Variants in PHF14 observed in about 807,000 individuals in gnomAD.
PHF14 encodes PHD finger protein 14.
Under a neutral mutation model 117.9 loss-of-function variants are expected in PHF14, and 55 were observed. That is an observed-to-expected ratio of 0.47 (90% CI 0.38 to 0.58). PHF14 has a LOEUF of 0.58. PHF14 is among the 20% of genes least tolerant of loss of function. PHF14 has a pLI of 0.00. For synonymous variants in PHF14, 409 were observed against 368.6 expected (o/e 1.11, Z -1.26); for missense variants, 978 against 1,122.2 (o/e 0.87, Z 1.84).
At chr7:11,050,911 A>C (rs543752612) in intron 13 of PHF14, among the ~76,000 whole-genome samples, 1 of 152,250 alleles carries the variant, frequency 6.6e-6, no homozygotes, top group Admixed American at 6.5e-5. Flanking sequence ...ATTCAGCACA[A>C]GTTGTCACTG....
At chr7:10,994,237 AG>A (rs1399187949) in intron 4 of PHF14, among the ~76,000 whole-genome samples, 1 of 152,112 alleles carries the variant, frequency 6.6e-6, no homozygotes, top group Non-Finnish European at 1.5e-5. Flanking sequence ...CAGAAGTTCA[AG>A]GCCAGCCTGT....
At chr7:11,075,648 G>A (rs190876068) in intron 16 of PHF14, among the ~76,000 whole-genome samples, 94 of 143,266 alleles carry the variant, frequency 6.6e-4, no homozygotes, top group African/African-American at 2.4e-3. Flanking sequence ...CCCACCAGGC[G>A]CACCTCCAAC....
At chr7:11,045,315 C>T (rs1307952328) in intron 13 of PHF14, among the ~76,000 whole-genome samples, 1 of 152,092 alleles carries the variant, frequency 6.6e-6, no homozygotes, top group African/African-American at 2.4e-5. Flanking sequence ...CCTTTGATCA[C>T]TAGGGTCCTG....
intron 4 of PHF14, among the ~76,000 whole-genome samples, chr7:11,000,103 T>C (rs1782808158): frequency 6.6e-6 from 1 of 152,126 alleles, no homozygotes; most frequent in Non-Finnish European, 1.5e-5. Context: ...TTGGTAGTAA[T>C]TTGAATTCTG....
intron 17 of PHF14, among the ~76,000 whole-genome samples, chr7:11,125,937 G>C (rs935337923): frequency 5.3e-5 from 8 of 152,038 alleles, no homozygotes; most frequent in African/African-American, 1.9e-4. Context: ...ACTCTTTAAA[G>C]TATGCTTATA....
chr7:11,031,923 G>A (rs1229541433), intron 7 of PHF14, among the ~76,000 whole-genome samples: 1 of 152,092 alleles, frequency 6.6e-6, no homozygotes, highest in African/African-American at 2.4e-5. Flanking sequence ...TGGTGCTATT[G>A]AACATTGCTG....
rs1206855418 is a variant in PHF14 at position 11,075,577 on chromosome 7, T to G, written c.2654+13492T>G. On this transcript the variant is annotated intron_variant, in intron 16 of 17. Transcript: ENST00000634607. Reference sequence around the variant, plus strand: ...GGAAGGAAAGAGGTTTTTTTTTTTTTTTTTTTTTTTTTTATTATTATGCCA... The same window carrying G: ...GGAAGGAAAGAGGTTTTTTTTTTTTGTTTTTTTTTTTTTATTATTATGCCA... 7.4e-5 allele frequency among the ~76,000 whole-genome samples: 11 copies of G among 148,362 alleles called. No homozygotes were observed. In the East Asian group the frequency reaches 7.9e-4, roughly 11 times the overall value.
intron 17 of PHF14, among the ~76,000 whole-genome samples, chr7:11,118,644 G>A (rs1006738221): frequency 4.0e-5 from 6 of 151,636 alleles, no homozygotes; most frequent in Non-Finnish European, 8.9e-5. Flanking sequence ...TGTCCTAGAC[G>A]TGTTTTCTGA....
At chr7:11,037,776 A>C (rs1215669728) in intron 10 of PHF14, among the ~76,000 whole-genome samples, 3 of 152,232 alleles carry the variant, frequency 2.0e-5, no homozygotes, top group Non-Finnish European at 4.4e-5. Context: ...AATAGTAGGA[A>C]GTACGTTTCC....
At chr7:11,061,174 T>C (rs1170196291) in intron 14 of PHF14, 1 of 152,220 alleles carries the variant, frequency 6.6e-6, no homozygotes, top group African/African-American at 2.4e-5. Flanking sequence ...TAAACGTTTG[T>C]ATGCGTTCTT....
At chr7:11,149,589 T>A (rs1721283263) in intron 17 of PHF14, among the ~76,000 whole-genome samples, 1 of 152,198 alleles carries the variant, frequency 6.6e-6, no homozygotes, top group Non-Finnish European at 1.5e-5. Flanking sequence ...AATTACTTAT[T>A]TAATATATCA....
chr7:11,010,579 A>C lies in PHF14; in HGVS notation c.1046-3168A>C, dbSNP rs183992671. ...TTATATAGTTTAATTTGTAACTATT[A>C]ATATTAACTATATTTAGCATAACTA... On this transcript the variant is annotated intron_variant, in intron 4 of 17. Transcript: ENST00000634607. 2.0e-3 allele frequency among the ~76,000 whole-genome samples: 308 copies of C among 152,098 alleles called. 1 individual carries two copies. The highest frequency in any genetic ancestry group is 2.9e-3 in the Non-Finnish European group (198 of 67,976).
chr7:11,087,394 G>C (rs1786454512), intron 16 of PHF14, among the ~76,000 whole-genome samples: 1 of 152,082 alleles, frequency 6.6e-6, no homozygotes, highest in South Asian at 2.1e-4. Flanking sequence ...GTATCACCAT[G>C]TTGGCCATAC....
At chr7:10,978,803 C>G (rs1203942540) in intron 2 of PHF14, among the ~76,000 whole-genome samples, 1 of 151,952 alleles carries the variant, frequency 6.6e-6, no homozygotes, top group East Asian at 1.9e-4. Flanking sequence ...GCCAGTTGTC[C>G]TCTGGGGGAA....
intron 16 of PHF14, among the ~76,000 whole-genome samples, chr7:11,075,553 G>A (rs1344528486): frequency 1.4e-5 from 2 of 143,012 alleles, no homozygotes; most frequent in Non-Finnish European, 3.0e-5. Flanking sequence ...ATTCCCATGG[G>A]AAGGAAAGAG....
At chr7:11,107,492 T>A in intron 16 of PHF14, 1 of 862,384 alleles carries the variant, frequency 1.2e-6, no homozygotes, top group Non-Finnish European at 1.4e-6. Flanking sequence ...TGCTTTTATC[T>A]TATAATTGGG....
chr7:11,135,201 T>G (rs2128349618), intron 17 of PHF14, among the ~76,000 whole-genome samples: 1 of 152,234 alleles, frequency 6.6e-6, no homozygotes, highest in Middle Eastern at 3.4e-3. Flanking sequence ...ATAATGGCTC[T>G]GTGCCTCAGT....
At chr7:11,129,555 T>TG (rs1788030052) in intron 17 of PHF14, among the ~76,000 whole-genome samples, 1 of 150,910 alleles carries the variant, frequency 6.6e-6, no homozygotes, top group Non-Finnish European at 1.5e-5. Flanking sequence ...TTTCTTTTTT[T>TG]TTTTTTTTTT....
intron 15 of PHF14, 60 bp from the exon 16 acceptor site, chr7:11,061,904 G>C: frequency 6.6e-7 from 1 of 1,520,430 alleles, no homozygotes; most frequent in Non-Finnish European, 8.8e-7. Flanking sequence ...GCTTAAAATT[G>C]TTTCCCTCAT....
Sources: gnomAD v4.1 joint callset for allele counts (sites outside exome capture counted in the v4.1 genomes callset) on GRCh38, gnomAD v4.1.1 for gene constraint, MANE v1.5 for transcripts, NCBI Gene and HGNC (gene_info 2026-07-23, HGNC 2026-07-21) for gene names.